The following SPATA1 variants were observed in gnomAD, a reference collection of about 807,000 sequenced individuals.
SPATA1 encodes spermatogenesis associated 1.
SPATA1 carries 57 observed loss-of-function variants against 59.6 expected under a neutral mutation model. That is an observed-to-expected ratio of 0.96 (90% CI 0.77 to 1.19). SPATA1 has a LOEUF of 1.19. SPATA1 is among the 50% of genes most tolerant of loss of function. The pLI is 0.00. For synonymous variants in SPATA1, 147 were observed against 163.9 expected, an observed-to-expected ratio of 0.90 and a Z score of 0.79; for missense variants, 448 against 480.7, an observed-to-expected ratio of 0.93 and a Z score of 0.64.
chr1:84,547,074 G>A (rs1684111961), intron 10 of SPATA1, among the ~76,000 whole-genome samples: 1 of 152,212 alleles, frequency 6.6e-6, no homozygotes, highest in African/African-American at 2.4e-5. Context: ...AGAACTGATT[G>A]AAGGTTATAG....
chr1:84,548,917 GAGATCA>G, exon 11 of SPATA1: 1 of 1,606,434 alleles, frequency 6.2e-7, no homozygotes, highest in Non-Finnish European at 8.5e-7. Context: ...TGAAGCCAGG[GAGATCA>G]AGATGAGACC....
chr1:84,544,523 T>A (rs1684018514), intron 9 of SPATA1, among the ~76,000 whole-genome samples: 1 of 152,116 alleles, frequency 6.6e-6, no homozygotes. Flanking sequence ...ATGTAATATG[T>A]TCTACAACAA....
chr1:84,552,860 A>C, intron 12 of SPATA1: 1 of 534,500 alleles, frequency 1.9e-6, no homozygotes. Flanking sequence ...TGCTTATTAA[A>C]CAGCATTCAT....
intron 9 of SPATA1, 76 bp from the exon 10 acceptor site, chr1:84,545,558 T>A (rs1359331452): frequency 7.0e-7 from 1 of 1,426,010 alleles, no homozygotes; most frequent in Non-Finnish European, 9.2e-7. Flanking sequence ...TTTTTAAGTT[T>A]TACACTCCAT....
At chr1:84,539,494 TA>T (rs1339385463) in intron 8 of SPATA1, among the ~76,000 whole-genome samples, 1 of 152,234 alleles carries the variant, frequency 6.6e-6, no homozygotes, top group Non-Finnish European at 1.5e-5. Context: ...CTTCACACTT[TA>T]AAATGTTTTC....
At chr1:84,537,369 A>T (rs1191324735) in intron 8 of SPATA1, among the ~76,000 whole-genome samples, 1 of 152,180 alleles carries the variant, frequency 6.6e-6, no homozygotes, top group Non-Finnish European at 1.5e-5. Context: ...GCTATTGGAT[A>T]AGCTTTGGAT....
chr1:84,524,001 C>A (rs1287469372), intron 4 of SPATA1, among the ~76,000 whole-genome samples: 4 of 151,216 alleles, frequency 2.6e-5, no homozygotes, highest in African/African-American at 9.7e-5. Context: ...ATCTTGCCCT[C>A]AAAGAGTGCT....
In SPATA1 at chr1:84,515,478, A is replaced by T. The variant is rs367861532; in HGVS notation, c.-137-745A>T. Reference sequence around the variant, plus strand: ...TTTGTTGGATTTAAATCCTTATTTTAACATAAATCAAGGAAGAGCAATGCT... The same window carrying T: ...TTTGTTGGATTTAAATCCTTATTTTTACATAAATCAAGGAAGAGCAATGCT... On this transcript the variant is annotated intron_variant, in intron 1 of 12. Coordinates refer to ENST00000490879, the Ensembl canonical transcript of SPATA1. Among the ~76,000 whole-genome samples, 10 of 152,262 alleles carry T rather than the reference A, an allele frequency of 6.6e-5. No individual in the cohort carries two copies. The East Asian group carries it at 1.9e-3, about 29-fold the overall frequency.
In SPATA1 at chr1:84,516,395, G is replaced by C. The variant is rs764720233; in HGVS notation, c.36G>C (p.Glu12Asp). ...ATCCAAGTCGACCTTCCTCATCAGA[G>C]GTAAGAAAATCTTTTTATACTAAAA... The change falls in exon 2 of 13, where the codon GAG (glutamate) becomes GAC (aspartate). Residue 12 changes from glutamate (E) to aspartate (D), a missense_variant and splice_region_variant. Coordinates refer to ENST00000490879, the Ensembl canonical transcript of SPATA1. 29 of 1,480,566 alleles carry C rather than the reference G, an allele frequency of 2.0e-5. No homozygotes were observed. In the South Asian group the frequency reaches 4.0e-4, roughly 20 times the overall value. 91.7% of individuals were successfully genotyped at this position (1,480,566 alleles called of 1,614,324 possible).
intron 1 of SPATA1, among the ~76,000 whole-genome samples, chr1:84,515,225 ATACTT>A (rs1682744749): frequency 1.3e-5 from 2 of 152,174 alleles, no homozygotes; most frequent in African/African-American, 4.8e-5. Flanking sequence ...AGATATATAA[ATACTT>A]TCTTAAAGTA....
chr1:84,557,671 C>A (rs1341094917), downstream of SPATA1, among the ~76,000 whole-genome samples: 2 of 150,314 alleles, frequency 1.3e-5, no homozygotes, highest in Non-Finnish European at 3.0e-5. Flanking sequence ...CTGGCTAACA[C>A]AGTGAAACCC....
intron 3 of SPATA1, among the ~76,000 whole-genome samples, chr1:84,521,687 C>T (rs1683033303): frequency 6.6e-6 from 1 of 151,872 alleles, no homozygotes; most frequent in Non-Finnish European, 1.5e-5. Flanking sequence ...CATTTTTTTA[C>T]TTATTTACTT....
intron 4 of SPATA1, 27 bp from the exon 14 acceptor site, chr1:84,565,834 G>A: frequency 2.7e-6 from 4 of 1,478,078 alleles, no homozygotes; most frequent in Non-Finnish European, 3.6e-6. Context: ...CATGTTTAGA[G>A]TCTTACCAGT....
downstream of SPATA1, chr1:84,555,052 G>A (rs764908593): frequency 6.2e-7 from 1 of 1,613,946 alleles, no homozygotes; most frequent in South Asian, 1.1e-5. Context: ...TCAGTTTGCT[G>A]TTTGGCTACA....
chr1:84,508,039 T>G (rs1007215874), intron 1 of SPATA1, among the ~76,000 whole-genome samples: 1 of 152,132 alleles, frequency 6.6e-6, no homozygotes, highest in African/African-American at 2.4e-5. Flanking sequence ...CCCAGCACTT[T>G]AGCAGGCTGA....
chr1:84,544,193 T>G lies in SPATA1; in HGVS notation c.718-9T>G. On this transcript the variant is annotated splice_polypyrimidine_tract_variant and intron_variant, in intron 8 of 12. Transcript: ENST00000490879. ...AGCCGATCTTACTCATTTTCACGTT[T>G]GCTTACAGACAGCTGAAAAAGAGTA... 1 of 1,554,576 alleles carries G rather than the reference T, an allele frequency of 6.4e-7. No individual in the cohort carries two copies. Among genetic ancestry groups the G allele is most frequent in the South Asian group, 1.2e-5 (1 of 86,060 alleles).
At chr1:84,512,344 A>G (rs1382142378) in intron 1 of SPATA1, among the ~76,000 whole-genome samples, 2 of 152,164 alleles carry the variant, frequency 1.3e-5, no homozygotes, top group South Asian at 2.1e-4. Context: ...ACTCAGACCA[A>G]CGAATGGTTG....
At chr1:84,536,640 T>G (rs1346254999) in intron 8 of SPATA1, among the ~76,000 whole-genome samples, 1 of 151,968 alleles carries the variant, frequency 6.6e-6, no homozygotes, top group African/African-American at 2.4e-5. Context: ...CAGACGGTGT[T>G]TCACCGTGTT....
intron 1 of SPATA1, among the ~76,000 whole-genome samples, chr1:84,509,209 A>T (rs1413088389): frequency 2.7e-5 from 3 of 110,836 alleles, no homozygotes; most frequent in East Asian, 2.1e-4. Flanking sequence ...GTACTGGCAT[A>T]AAAAAAAAAA....
Sources: gnomAD v4.1 joint callset for allele counts (sites outside exome capture counted in the v4.1 genomes callset) on GRCh38, gnomAD v4.1.1 for gene constraint, MANE v1.5 for transcripts, NCBI Gene and HGNC (gene_info 2026-07-23, HGNC 2026-07-21) for gene names.